Variants in PROM1 observed in about 807,000 individuals in gnomAD.
PROM1 encodes prominin 1.
PROM1 carries 105 observed loss-of-function variants against 116.9 expected under a neutral mutation model. That is an observed-to-expected ratio of 0.90 (90% CI 0.77 to 1.06). The LOEUF (loss-of-function observed/expected upper bound fraction) is 1.06. Ranked by LOEUF, PROM1 falls within the 50% of genes least tolerant of loss-of-function variation. The pLI is 0.00. For missense variants in PROM1, 1,122 were observed against 1,045.2 expected, an observed-to-expected ratio of 1.07 and a Z score of -1.01; for synonymous variants, 393 against 387.0, an observed-to-expected ratio of 1.02 and a Z score of -0.18.
At chr4:16,014,962 A>G (rs1727916343) in intron 10 of PROM1, among the ~76,000 whole-genome samples, 1 of 152,234 alleles carries the variant, frequency 6.6e-6, no homozygotes, top group African/African-American at 2.4e-5. Context: ...TACAGTTATG[A>G]GGAAATTAAC....
intron 1 of PROM1, among the ~76,000 whole-genome samples, chr4:16,081,636 C>T (rs940864854): frequency 5.9e-5 from 9 of 152,216 alleles, no homozygotes; most frequent in Non-Finnish European, 7.3e-5. Flanking sequence ...TTACCCCCGA[C>T]TCAGCTTCCA....
intron 8 of PROM1, among the ~76,000 whole-genome samples, chr4:16,021,606 C>G (rs757446804): frequency 6.6e-6 from 1 of 152,166 alleles, no homozygotes; most frequent in South Asian, 2.1e-4. Flanking sequence ...CACTGACGCA[C>G]GAGGGATCCA....
intron 15 of PROM1, among the ~76,000 whole-genome samples, chr4:15,997,003 A>G (rs568704086): frequency 1.3e-5 from 2 of 152,158 alleles, no homozygotes; most frequent in African/African-American, 4.8e-5. Context: ...AGTGGGAGAA[A>G]TAAGTGTCAC....
intron 13 of PROM1, chr4:16,003,132 A>G (rs985010323): frequency 8.2e-6 from 3 of 365,494 alleles, no homozygotes; most frequent in African/African-American, 4.2e-5. Context: ...TTTCAAATGC[A>G]TTATCTTAGA....
chr4:16,012,032 A>T (rs1726995954), intron 11 of PROM1, among the ~76,000 whole-genome samples: 2 of 151,580 alleles, frequency 1.3e-5, no homozygotes, highest in Admixed American at 1.3e-4. Context: ...TTTGAGAGAG[A>T]GTCGCCCAGG....
At position 15,994,024 on chromosome 4, in the gene PROM1, T is replaced by C. The variant is rs1448174401; in HGVS notation, c.1730A>G (p.Asn577Ser). ...GAGATGTTCACTGATATTGAAGCTG[T>C]TCTGCAGGTGAAGAGTGCCGTAAGT... ...RGTYGTLHLQNSFNISEHLNI... is the reference protein window; with the variant it reads ...RGTYGTLHLQSSFNISEHLNI... Residue 577 changes from asparagine (N) to serine (S), a missense_variant, in exon 16 of 28, where the codon AAC becomes AGC. Transcript: ENST00000447510. 5.6e-6 allele frequency: 9 copies of C among 1,613,918 alleles called. No individual in the cohort carries two copies. Among genetic ancestry groups the C allele is most frequent in the East Asian group, 2.2e-5 (1 of 44,904 alleles).
At chr4:16,051,860 A>G (rs758176294) in intron 2 of PROM1, among the ~76,000 whole-genome samples, 1 of 152,202 alleles carries the variant, frequency 6.6e-6, no homozygotes, top group Non-Finnish European at 1.5e-5. Context: ...TCCAAATGAG[A>G]CTGGGATTTG....
chr4:15,992,142 A>C, intron 17 of PROM1, 106 bp downstream of exon 17: 2 of 1,427,742 alleles, frequency 1.4e-6, no homozygotes, highest in Non-Finnish European at 1.9e-6. Context: ...AAATAGTCTT[A>C]CATCATGTGA....
At chr4:15,976,250 A>G (rs1716094605) in intron 26 of PROM1, 1 of 453,010 alleles carries the variant, frequency 2.2e-6, no homozygotes, top group Non-Finnish European at 4.4e-6. Context: ...GCATTTCTCA[A>G]CACCGACTAG....
chr4:15,999,330 G>A (rs1414628478), intron 14 of PROM1, among the ~76,000 whole-genome samples: 4 of 151,978 alleles, frequency 2.6e-5, no homozygotes, highest in Non-Finnish European at 4.4e-5. Context: ...AATTAGCCGC[G>A]CGTGGTGGCG....
chr4:16,081,416 A>G (rs1232375577), intron 1 of PROM1, among the ~76,000 whole-genome samples: 1 of 152,228 alleles, frequency 6.6e-6, no homozygotes, highest in African/African-American at 2.4e-5. Context: ...TAAAACCATA[A>G]AAACCCTAGA....
intron 24 of PROM1, among the ~76,000 whole-genome samples, 190 bp from the exon 25 acceptor site, chr4:15,980,094 C>G (rs1717375310): frequency 6.6e-6 from 1 of 151,772 alleles, no homozygotes; most frequent in South Asian, 2.1e-4. Context: ...GAGGGGCAGA[C>G]TACAGAGCCA....
At chr4:16,004,538 T>C (rs954387659) in intron 13 of PROM1, among the ~76,000 whole-genome samples, 4 of 152,124 alleles carry the variant, frequency 2.6e-5, no homozygotes, top group African/African-American at 9.7e-5. Context: ...AAGATGGAAA[T>C]ATAGGTATAT....
chr4:15,978,429 G>A (rs1716798278), intron 26 of PROM1, among the ~76,000 whole-genome samples: 1 of 152,192 alleles, frequency 6.6e-6, no homozygotes, highest in Non-Finnish European at 1.5e-5. Flanking sequence ...CTGTTACTAG[G>A]TAATATTGCT....
chr4:16,073,311 T>G (rs1370335312), intron 2 of PROM1, among the ~76,000 whole-genome samples: 1 of 152,180 alleles, frequency 6.6e-6, no homozygotes, highest in East Asian at 1.9e-4. Flanking sequence ...AAACAATATA[T>G]AGGACTCAAT....
intron 2 of PROM1, among the ~76,000 whole-genome samples, chr4:16,063,492 A>T (rs1329089656): frequency 6.6e-6 from 1 of 152,164 alleles, no homozygotes; most frequent in Non-Finnish European, 1.5e-5. Context: ...GCTACTCGGG[A>T]GGCCGAAGCA....
chr4:16,039,706 C>G (rs187146983), intron 2 of PROM1, among the ~76,000 whole-genome samples: 1 of 140,824 alleles, frequency 7.1e-6, no homozygotes, highest in Non-Finnish European at 1.5e-5. Context: ...CCACTGCACT[C>G]CAGACTGTCA....
At chr4:16,017,816 C>G (rs1176151919) in intron 9 of PROM1, among the ~76,000 whole-genome samples, 2 of 150,980 alleles carry the variant, frequency 1.3e-5, no homozygotes, top group African/African-American at 4.9e-5. Flanking sequence ...AGTGAGACTC[C>G]ATCTCAAAAA....
chr4:15,984,801 G>A (rs1330960457), intron 22 of PROM1, among the ~76,000 whole-genome samples: 2 of 152,184 alleles, frequency 1.3e-5, no homozygotes, highest in African/African-American at 2.4e-5. Context: ...GTGGTGAATT[G>A]CATAATTATT....
Sources: allele counts gnomAD v4.1 joint callset (sites outside exome capture counted in the v4.1 genomes callset), GRCh38; gene constraint gnomAD v4.1.1; transcripts MANE v1.5; gene names NCBI Gene and HGNC (gene_info 2026-07-23, HGNC 2026-07-21).